ACYP2: variants seen among roughly 807,000 people sequenced by gnomAD.
ACYP2 encodes acylphosphatase 2.
Under a neutral mutation model 11.2 loss-of-function variants are expected in ACYP2, and 12 were observed. The observed-to-expected ratio is 1.08, with a 90% CI of 0.69 to 1.74. The LOEUF is 1.74. Ranked by LOEUF, ACYP2 falls within the 40% of genes most tolerant of loss-of-function variation. The probability of loss-of-function intolerance (pLI) is 0.00; values close to 1 mark genes in which losing one functional copy is unlikely to be tolerated. For synonymous variants in ACYP2, 43 were observed against 32.2 expected, an observed-to-expected ratio of 1.33 and a Z score of -1.13; for missense variants, 134 against 101.9, an observed-to-expected ratio of 1.31 and a Z score of -1.35.
chr2:54,091,045 T>C (rs868278837), intron 4 of ACYP2, among the ~76,000 whole-genome samples: 1 of 152,242 alleles, frequency 6.6e-6, no homozygotes, highest in Non-Finnish European at 1.5e-5. Flanking sequence ...ATTTTTAAAA[T>C]AGGCAGAGAA....
Position 54,071,943 on chromosome 2 carries a change from G to A in ACYP2, c.277+14583G>A, listed in dbSNP as rs191348704. Among the ~76,000 whole-genome samples, 250 of 152,192 alleles carry A rather than the reference G, an allele frequency of 1.6e-3. 5 individuals carry two copies. Among genetic ancestry groups the A allele is most frequent in the Admixed American group, 0.014 (214 of 15,282 alleles). On this transcript the variant is annotated intron_variant, in intron 4 of 6. Coordinates refer to ENST00000607452, the MANE Select transcript of ACYP2 (RefSeq NM_001320586.2). ...GGAGAATCATTTGAACCCAGGAGGC[G>A]GAGGTTGCAGTGAGCTGAGATCGCA...
At chr2:54,303,495 GT>G (rs60833518) in intron 6 of ACYP2, among the ~76,000 whole-genome samples, 1 of 152,180 alleles carries the variant, frequency 6.6e-6, no homozygotes, top group Non-Finnish European at 1.5e-5. Context: ...TAAGAACTGA[GT>G]TTTTTCTTCA....
At chr2:54,041,011 G>A (rs1675191592) in intron 2 of ACYP2, among the ~76,000 whole-genome samples, 1 of 152,192 alleles carries the variant, frequency 6.6e-6, no homozygotes, top group Admixed American at 6.5e-5. Flanking sequence ...CTGGAGTGAT[G>A]TCCTTGAGTA....
chr2:54,057,211 T>C (rs1676199879), intron 3 of ACYP2: 1 of 397,378 alleles, frequency 2.5e-6, no homozygotes, highest in African/African-American at 2.1e-5. Context: ...GAACTTTTTC[T>C]TACTGTTCTC....
intron 2 of ACYP2, among the ~76,000 whole-genome samples, chr2:54,007,088 G>A (rs1368357297): frequency 2.3e-5 from 3 of 128,856 alleles, no homozygotes; most frequent in Admixed American, 1.8e-4. Flanking sequence ...GCAGTGAGCT[G>A]AGATTGTACC....
At chr2:54,044,476 C>T (rs1256628234) in intron 2 of ACYP2, among the ~76,000 whole-genome samples, 3 of 151,238 alleles carry the variant, frequency 2.0e-5, no homozygotes, top group Non-Finnish European at 4.4e-5. Flanking sequence ...TGTGGTGGCA[C>T]AGTGCCAGGC....
At chr2:54,129,078 A>G (rs1231857557) in intron 4 of ACYP2, among the ~76,000 whole-genome samples, 1 of 152,206 alleles carries the variant, frequency 6.6e-6, no homozygotes. Context: ...TCCTTAAACC[A>G]TAATTCACTT....
At chr2:54,087,702 C>A (rs1678011979) in intron 4 of ACYP2, among the ~76,000 whole-genome samples, 1 of 152,168 alleles carries the variant, frequency 6.6e-6, no homozygotes, top group Non-Finnish European at 1.5e-5. Flanking sequence ...TTGCCCCCAA[C>A]TTTTCCTTAA....
intron 6 of ACYP2, among the ~76,000 whole-genome samples, chr2:54,182,822 G>A (rs1242127952): frequency 2.0e-5 from 3 of 152,064 alleles, no homozygotes; most frequent in Non-Finnish European, 4.4e-5. Flanking sequence ...TTTGCCTATA[G>A]CGGCAGTGCC....
At chr2:54,262,928 A>C (rs1260763883) in intron 6 of ACYP2, among the ~76,000 whole-genome samples, 1 of 152,106 alleles carries the variant, frequency 6.6e-6, no homozygotes, top group Non-Finnish European at 1.5e-5. Flanking sequence ...TATGTGATAG[A>C]AGGTTTAGAA....
chr2:54,150,172 A>G (rs866290179), intron 6 of ACYP2, among the ~76,000 whole-genome samples: 3 of 152,308 alleles, frequency 2.0e-5, no homozygotes, highest in Middle Eastern at 3.4e-3. Context: ...AGCCACACCC[A>G]TTTATTTATG....
At chr2:54,087,827 T>C (rs1422931996) in intron 4 of ACYP2, among the ~76,000 whole-genome samples, 4 of 151,898 alleles carry the variant, frequency 2.6e-5, no homozygotes, top group Admixed American at 1.3e-4. Flanking sequence ...TGAGAAAAAA[T>C]AGATGTAAGA....
At chr2:54,177,846 C>T (rs1683529044) in intron 6 of ACYP2, among the ~76,000 whole-genome samples, 1 of 151,488 alleles carries the variant, frequency 6.6e-6, no homozygotes, top group African/African-American at 2.4e-5. Context: ...TCCCAGAGTG[C>T]TGGGATTACA....
chr2:53,986,024 T>A (rs1672018745), intron 2 of ACYP2, among the ~76,000 whole-genome samples: 1 of 151,926 alleles, frequency 6.6e-6, no homozygotes, highest in Non-Finnish European at 1.5e-5. Flanking sequence ...TAATCCCAGC[T>A]CCTCGCAAGG....
At chr2:54,077,159 A>G (rs1282556899) in intron 4 of ACYP2, among the ~76,000 whole-genome samples, 2 of 152,214 alleles carry the variant, frequency 1.3e-5, no homozygotes, top group Admixed American at 6.5e-5. Flanking sequence ...ACATTTTCAC[A>G]AAATAGAACA....
At chr2:54,284,915 T>C (rs1233793904) in intron 6 of ACYP2, among the ~76,000 whole-genome samples, 1 of 152,204 alleles carries the variant, frequency 6.6e-6, no homozygotes, top group Non-Finnish European at 1.5e-5. Flanking sequence ...CTTCTTGAAA[T>C]ACCTTCTTTG....
chr2:54,256,960 C>G (rs1415645084), intron 6 of ACYP2, among the ~76,000 whole-genome samples: 2 of 152,190 alleles, frequency 1.3e-5, no homozygotes, highest in East Asian at 3.9e-4. Context: ...AGCAACCGTA[C>G]CTGGCCTACT....
chr2:54,065,031 C>A (rs1200956066), intron 4 of ACYP2, among the ~76,000 whole-genome samples: 1 of 150,802 alleles, frequency 6.6e-6, no homozygotes, highest in East Asian at 1.9e-4. Flanking sequence ...TTGCACTGAG[C>A]CGAGATCATG....
chr2:54,182,764 T>A (rs560442649), intron 6 of ACYP2, among the ~76,000 whole-genome samples: 3 of 152,232 alleles, frequency 2.0e-5, no homozygotes, highest in Admixed American at 6.5e-5. Context: ...TAGAACAGTT[T>A]GTTTAACCAA....
Sources: allele counts gnomAD v4.1 joint callset (sites outside exome capture counted in the v4.1 genomes callset), GRCh38; gene constraint gnomAD v4.1.1; transcripts MANE v1.5; gene names NCBI Gene and HGNC (gene_info 2026-07-23, HGNC 2026-07-21).